Variants in ODAD2 observed in about 807,000 individuals in gnomAD.
The protein encoded by ODAD2 is outer dynein arm docking complex subunit 2.
ODAD2 carries 89 observed loss-of-function variants against 106.8 expected under a neutral mutation model. That is an observed-to-expected ratio of 0.83 (90% confidence interval 0.70 to 0.99). The LOEUF (loss-of-function observed/expected upper bound fraction) is 0.99. ODAD2 is among the 50% of genes least tolerant of loss of function. The probability of loss-of-function intolerance (pLI) is 0.00; values close to 1 mark genes in which losing one functional copy is unlikely to be tolerated. For synonymous variants in ODAD2, 404 were observed against 436.2 expected (o/e 0.93, Z 0.92); for missense variants, 1,168 against 1,238.5 (o/e 0.94, Z 0.85).
At chr10:27,983,606 T>C (rs1180995493) in intron 6 of ODAD2, among the ~76,000 whole-genome samples, 1 of 152,232 alleles carries the variant, frequency 6.6e-6, no homozygotes, top group East Asian at 1.9e-4. Flanking sequence ...TAAAGTGGAA[T>C]GGGTCACTTT....
chr10:27,881,942 G>A (rs775338898), intron 17 of ODAD2, among the ~76,000 whole-genome samples: 6 of 152,028 alleles, frequency 3.9e-5, no homozygotes, highest in Non-Finnish European at 5.9e-5. Flanking sequence ...GAAGTGGGCA[G>A]ATTGCTTGAG....
intron 17 of ODAD2, among the ~76,000 whole-genome samples, chr10:27,883,814 T>A (rs944072108): frequency 2.0e-5 from 3 of 152,034 alleles, no homozygotes; most frequent in Admixed American, 6.6e-5. Context: ...AACAGCAGAT[T>A]TGAGCAGGCA....
At chr10:27,895,467 T>C (rs929781260) in intron 17 of ODAD2, among the ~76,000 whole-genome samples, 1 of 152,158 alleles carries the variant, frequency 6.6e-6, no homozygotes, top group Non-Finnish European at 1.5e-5. Context: ...TTTGTATTTT[T>C]AGTAGAGATG....
intron 12 of ODAD2, among the ~76,000 whole-genome samples, chr10:27,942,368 A>T (rs1846519258): frequency 6.6e-6 from 1 of 152,184 alleles, no homozygotes. Context: ...TGGGGTCTTC[A>T]TTTAGAAGTC....
At chr10:27,992,618 A>G (rs1214804230) in intron 2 of ODAD2, among the ~76,000 whole-genome samples, 1 of 152,158 alleles carries the variant, frequency 6.6e-6, no homozygotes, top group Non-Finnish European at 1.5e-5. Context: ...GGAGCCCAGG[A>G]GTTTGAGCTG....
chr10:27,921,276 C>T (rs2133962602), intron 16 of ODAD2, among the ~76,000 whole-genome samples: 1 of 144,576 alleles, frequency 6.9e-6, no homozygotes, highest in Middle Eastern at 3.5e-3. Flanking sequence ...GCCTGGATGA[C>T]AGAGTGAGAC....
chr10:27,962,238 T>C (rs988208763), intron 9 of ODAD2, among the ~76,000 whole-genome samples: 1 of 152,254 alleles, frequency 6.6e-6, no homozygotes, highest in Non-Finnish European at 1.5e-5. Context: ...CTGCCACTCA[T>C]TGCATGTGGT....
chr10:27,950,961 T>C (rs995095649), intron 10 of ODAD2, among the ~76,000 whole-genome samples: 2 of 152,216 alleles, frequency 1.3e-5, no homozygotes, highest in African/African-American at 4.8e-5. Flanking sequence ...TGAGTATTTA[T>C]ACACTAACAA....
intron 17 of ODAD2, among the ~76,000 whole-genome samples, chr10:27,892,502 G>A (rs117833790): frequency 0.035 from 5,291 of 152,192 alleles, 136 homozygotes; most frequent in Middle Eastern, 0.085. Context: ...TGAATGGACC[G>A]ATAATTTTTA....
In ODAD2 at chr10:27,925,721, C is replaced by A. The variant is rs57899363; in HGVS notation, c.2495+9289G>T. Among the ~76,000 whole-genome samples the A allele has an allele frequency of 3.0e-3, 459 of 152,102 alleles. 5 individuals carry two copies. Among genetic ancestry groups the A allele is most frequent in the African/African-American group, 0.011 (446 of 41,502 alleles). On this transcript the variant is annotated intron_variant, in intron 16 of 19. Transcript: ENST00000305242. Reference sequence around the variant, plus strand: ...TATGATAAAATACATACACTTTAAACCTAAGGTTATTCTTTTACTTCATAG... The same window carrying A: ...TATGATAAAATACATACACTTTAAAACTAAGGTTATTCTTTTACTTCATAG...
chr10:27,870,741 A>G (rs994716159), intron 17 of ODAD2, among the ~76,000 whole-genome samples: 19 of 152,178 alleles, frequency 1.2e-4, no homozygotes, highest in African/African-American at 4.6e-4. Flanking sequence ...CATTTTCTTA[A>G]TCCACTCTAT....
chr10:27,898,897 T>C (rs929014314), intron 17 of ODAD2, among the ~76,000 whole-genome samples: 1 of 152,192 alleles, frequency 6.6e-6, no homozygotes, highest in Admixed American at 6.5e-5. Context: ...AGGTCTCCTC[T>C]ATTCCAAACA....
At chr10:27,862,743 CT>C (rs1840143846) in intron 17 of ODAD2, 121 bp from the exon 18 acceptor site, 1 of 569,902 alleles carries the variant, frequency 1.8e-6, no homozygotes, top group African/African-American at 1.9e-5. Context: ...ACTACTTCAA[CT>C]TAATTTATTT....
At chr10:27,851,409 A>G (rs1446326561) in intron 19 of ODAD2, among the ~76,000 whole-genome samples, 1 of 152,198 alleles carries the variant, frequency 6.6e-6, no homozygotes, top group Non-Finnish European at 1.5e-5. Context: ...GTTAACATTC[A>G]AGGAATTGAA....
intron 6 of ODAD2, among the ~76,000 whole-genome samples, chr10:27,982,191 C>T (rs1180317572): frequency 6.6e-6 from 1 of 151,966 alleles, no homozygotes; most frequent in Non-Finnish European, 1.5e-5. Flanking sequence ...ATACACACAT[C>T]ACATAACTAT....
At position 27,904,500 on chromosome 10, in the gene ODAD2, A is replaced by G. The variant is rs539113185; in HGVS notation, c.2610+3163T>C. 2.0e-5 allele frequency among the ~76,000 whole-genome samples: 3 copies of G among 152,302 alleles called. No homozygotes were observed. In the East Asian group the frequency reaches 5.8e-4, roughly 29 times the overall value. ...CAATAAATAAAAAATATAAATAAAT[A>G]AATATAAAAAGTCCATCACTGCCTC... On this transcript the variant is annotated intron_variant, in intron 17 of 19. Transcript: ENST00000305242.
intron 16 of ODAD2, 100 bp from the exon 17 acceptor site, chr10:27,907,877 T>A: frequency 1.1e-6 from 1 of 874,824 alleles, no homozygotes; most frequent in Non-Finnish European, 1.8e-6. Context: ...CCTTTTGATA[T>A]TTTGCTTAGA....
At chr10:27,945,403 AG>A (rs1251029719) in intron 10 of ODAD2, among the ~76,000 whole-genome samples, 12 of 152,332 alleles carry the variant, frequency 7.9e-5, no homozygotes, top group African/African-American at 2.9e-4. Context: ...ACGTGCAGGA[AG>A]CAGCACCGCA....
chr10:27,885,290 T>A (rs911327234), intron 17 of ODAD2, among the ~76,000 whole-genome samples: 6 of 150,264 alleles, frequency 4.0e-5, no homozygotes, highest in Non-Finnish European at 8.9e-5. Flanking sequence ...GGTGGGCAGA[T>A]CACGAGATCA....
Sources: gnomAD v4.1 joint callset for allele counts (sites outside exome capture counted in the v4.1 genomes callset) on GRCh38, gnomAD v4.1.1 for gene constraint, MANE v1.5 for transcripts, NCBI Gene and HGNC (gene_info 2026-07-23, HGNC 2026-07-21) for gene names.